The following PCDHGA4 variants were observed in gnomAD, a reference collection of about 807,000 sequenced individuals.
PCDHGA4 encodes protocadherin gamma subfamily A, 4.
Under a neutral mutation model 54.6 loss-of-function variants are expected in PCDHGA4, and 38 were observed. That is an observed-to-expected ratio of 0.70 (90% CI 0.54 to 0.91). The LOEUF is 0.91. Among genes scored for constraint, PCDHGA4 ranks in the 40% least tolerant of loss-of-function variants. The pLI, the probability that PCDHGA4 is intolerant of heterozygous loss-of-function variation, is 0.00. For synonymous variants in PCDHGA4, 511 were observed against 512.9 expected, an observed-to-expected ratio of 1.00 and a Z score of 0.05; for missense variants, 1,298 against 1,220.9, an observed-to-expected ratio of 1.06 and a Z score of -0.94.
chr5:141,489,846 T>C lies in PCDHGA4; in HGVS notation c.2515-4961T>C. The C allele has an allele frequency of 6.2e-7, 1 of 1,614,190 alleles. No individual in the cohort carries two copies. The highest frequency in any genetic ancestry group is 1.1e-5 in the South Asian group (1 of 91,088). ...TGGTGCTAGAGCAGCAGCTGGATCG[T>C]GAAGCCCAGGCAAGACATCAGCTGG... is the stretch of plus-strand genomic sequence containing the variant. On this transcript the variant is annotated intron_variant, in intron 1 of 3. Coordinates refer to ENST00000571252, the MANE Select transcript of PCDHGA4 (RefSeq NM_018917.4). This position sits in a 1 kb window ranked among gnomAD's most constrained non-coding sequence, Gnocchi z 4.5.
chr5:141,443,781 CA>C (rs1227271563), intron 1 of PCDHGA4, among the ~76,000 whole-genome samples: 2 of 150,514 alleles, frequency 1.3e-5, no homozygotes, highest in African/African-American at 2.4e-5. Flanking sequence ...ACCAAAAAGA[CA>C]AAAAAAATGA....
In PCDHGA4 at chr5:141,426,211, G is replaced by A. The variant is rs184669298; in HGVS notation, c.2514+68590G>A. On this transcript the variant is annotated intron_variant, in intron 1 of 3. Coordinates refer to ENST00000571252, the MANE Select transcript of PCDHGA4 (RefSeq NM_018917.4). ...TGGGAGCATTGAGTTTTCTATGTAT[G>A]GAAGTAAATATTTTAAAAGCACTTT... The A allele has an allele frequency of 7.7e-4, 121 of 157,870 alleles. 1 individual carries two copies. The highest frequency in any genetic ancestry group is 7.4e-4 in the South Asian group (4 of 5,398). 9.8% of individuals were successfully genotyped at this position (157,870 alleles called of 1,614,324 possible). A position where few individuals can be genotyped will look rare whatever the true frequency, so the allele number is the denominator to read the frequency against.
intron 1 of PCDHGA4, chr5:141,375,594 A>T: frequency 6.2e-7 from 1 of 1,613,890 alleles, no homozygotes; most frequent in Non-Finnish European, 8.5e-7. Flanking sequence ...CTGTCCTCCT[A>T]CGTGTCCATC....
In PCDHGA4 at chr5:141,374,191, C is replaced by T. The variant is rs780279453; in HGVS notation, c.2514+16570C>T. 3.7e-6 allele frequency: 6 copies of T among 1,613,664 alleles called. No individual in the cohort carries two copies. In the East Asian group the frequency reaches 1.1e-4, roughly 30 times the overall value. Reference sequence around the variant, plus strand: ...CAGCGCAGATCCGCTACTCTATTCCCGAGGAGCTGGAGAAAGGCTCCTTCG... The same window carrying T: ...CAGCGCAGATCCGCTACTCTATTCCTGAGGAGCTGGAGAAAGGCTCCTTCG... On this transcript the variant is annotated intron_variant, in intron 1 of 3. Transcript: ENST00000571252.
In PCDHGA4 at chr5:141,477,229, C is replaced by G. The variant is rs1376731101; in HGVS notation, c.2515-17578C>G. The G allele has an allele frequency of 6.2e-7, 1 of 1,614,222 alleles. No homozygotes were observed. The highest frequency in any genetic ancestry group is 8.5e-7 in the Non-Finnish European group (1 of 1,180,052). On this transcript the variant is annotated intron_variant, in intron 1 of 3. Transcript: ENST00000571252. This position sits in a 1 kb window ranked among gnomAD's most constrained non-coding sequence, Gnocchi z 4.9. ...AGGATGCCCCTCTGGGGACTGTCAT[C>G]GCTTTGCTCAGTGTGACTGACCTGG...
rs765563941 is a variant in PCDHGA4 at position 141,383,705 on chromosome 5, T to G, written c.2514+26084T>G. On this transcript the variant is annotated intron_variant, in intron 1 of 3. Transcript: ENST00000571252. ...CTGCTCACGGTACATGCTATCGACC[T>G]GGACGAGGGAGTCAATGGGGAAGTG... 3.1e-6 allele frequency: 5 copies of G among 1,613,902 alleles called. No homozygotes were observed. Among genetic ancestry groups the G allele is most frequent in the Non-Finnish European group, 4.2e-6 (5 of 1,179,894 alleles).
At chr5:141,421,238 G>A (rs920128735) in intron 1 of PCDHGA4, 1 of 1,597,540 alleles carries the variant, frequency 6.3e-7, no homozygotes, top group African/African-American at 1.3e-5. Context: ...ATGGCGAATC[G>A]GCTACAGCGC....
At chr5:141,499,287 C>T (rs896428388) in intron 2 of PCDHGA4, among the ~76,000 whole-genome samples, 3 of 152,184 alleles carry the variant, frequency 2.0e-5, no homozygotes, top group Non-Finnish European at 2.9e-5. Context: ...CTGATGGCTC[C>T]ACACTACCAT....
At chr5:141,372,273 C>T (rs201775561) in intron 1 of PCDHGA4, 6 of 1,613,106 alleles carry the variant, frequency 3.7e-6, no homozygotes, top group East Asian at 4.5e-5. Context: ...GGGTGAGGTG[C>T]GCACGGCGCG....
chr5:141,409,820 C>T (rs1276944982), intron 1 of PCDHGA4: 4 of 1,610,926 alleles, frequency 2.5e-6, no homozygotes, highest in Non-Finnish European at 3.4e-6. Flanking sequence ...CCACGGCTCG[C>T]CCACGCTCAG....
Position 141,503,010 on chromosome 5 carries a change from AT to A in PCDHGA4, c.2574-2371del, listed in dbSNP as rs199924715. ...AGGCGTGTGCCACCATGCCCGGTTA[AT>A]TTTTTTTTTTTAATATCTATTTTAG... On this transcript the variant is annotated intron_variant, in intron 2 of 3. Coordinates refer to ENST00000571252, the MANE Select transcript of PCDHGA4 (RefSeq NM_018917.4). Among the ~76,000 whole-genome samples the A allele has an allele frequency of 6.8e-3, 997 of 146,562 alleles. 9 individuals are homozygous for A. The highest frequency in any genetic ancestry group is 0.023 in the African/African-American group (916 of 39,838).
At chr5:141,442,005 C>G (rs1037210381) in intron 1 of PCDHGA4, 1 of 229,014 alleles carries the variant, frequency 4.4e-6, no homozygotes. Flanking sequence ...GCTGACAGCT[C>G]GCACGATGGG....
At chr5:141,404,319 C>T in intron 1 of PCDHGA4, 3 of 1,613,900 alleles carry the variant, frequency 1.9e-6, no homozygotes, top group East Asian at 4.5e-5. Context: ...TCTCAAGCCT[C>T]CTACTCAGTC....
chr5:141,387,721 C>A, intron 1 of PCDHGA4: 2 of 1,151,790 alleles, frequency 1.7e-6, no homozygotes, highest in Non-Finnish European at 2.4e-6. Context: ...CTCAGACTCC[C>A]CAGCGCCAGC....
intron 1 of PCDHGA4, chr5:141,388,295 C>A (rs766909730): frequency 8.1e-6 from 13 of 1,613,442 alleles, no homozygotes; most frequent in Non-Finnish European, 1.1e-5. Flanking sequence ...CGCAAAATTC[C>A]TTTGAGCTGC....
chr5:141,390,186 A>G (rs760464699), intron 1 of PCDHGA4: 1 of 1,614,048 alleles, frequency 6.2e-7, no homozygotes, highest in East Asian at 2.2e-5. Flanking sequence ...CCTAAAATGT[A>G]GTGAGCAGTT....
At chr5:141,371,584 A>C in intron 1 of PCDHGA4, 1 of 1,613,962 alleles carries the variant, frequency 6.2e-7, no homozygotes, top group Non-Finnish European at 8.5e-7. Flanking sequence ...ATCGTTCAAG[A>C]TACCAAAAAC....
intron 1 of PCDHGA4, chr5:141,413,526 G>T: frequency 6.2e-7 from 1 of 1,613,936 alleles, no homozygotes; most frequent in Non-Finnish European, 8.5e-7. Context: ...TGGAAGACAG[G>T]GTGAAACTTT....
In PCDHGA4 at chr5:141,485,457, T is replaced by G; in HGVS notation, c.2515-9350T>G. 1 of 1,614,124 alleles carries G rather than the reference T, an allele frequency of 6.2e-7. No individual in the cohort carries two copies. Among genetic ancestry groups the G allele is most frequent in the Non-Finnish European group, 8.5e-7 (1 of 1,180,020 alleles). On this transcript the variant is annotated intron_variant, in intron 1 of 3. Coordinates refer to ENST00000571252, the MANE Select transcript of PCDHGA4 (RefSeq NM_018917.4). This position sits in a 1 kb window ranked among gnomAD's most constrained non-coding sequence, Gnocchi z 5.7. ...AAGAACCCAATCGACCGAGAGGCAC[T>G]GTGTGGGCTCAGTGCCAGCTGCATC...
Sources: gnomAD v4.1 joint callset for allele counts (sites outside exome capture counted in the v4.1 genomes callset) on GRCh38, gnomAD v4.1.1 for gene constraint, Gnocchi (gnomAD v3.1) non-coding constraint, MANE v1.5 for transcripts, NCBI Gene and HGNC (gene_info 2026-07-23, HGNC 2026-07-21) for gene names.